GALK1: variants seen among roughly 807,000 people sequenced by gnomAD.
GALK1 encodes galactokinase 1.
Under a neutral mutation model 38.6 loss-of-function variants are expected in GALK1, and 30 were observed. That is an observed-to-expected ratio of 0.78 (90% CI 0.58 to 1.05). GALK1 has a LOEUF of 1.05. GALK1 is among the 50% of genes least tolerant of loss of function. The pLI is 0.00. For synonymous variants in GALK1, 240 were observed against 233.6 expected (o/e 1.03, Z -0.25); for missense variants, 512 against 540.5 (o/e 0.95, Z 0.52).
At chr17:75,754,576 A>G (rs1422415555), downstream of GALK1, 3 of 1,613,610 alleles carry the variant, frequency 1.9e-6, no homozygotes, top group South Asian at 3.3e-5. Flanking sequence ...CCCCCTGCAG[A>G]GCACCTGGTG....
Position 75,762,995 on chromosome 17 carries a change from C to T in GALK1, c.611+19G>A, listed in dbSNP as rs773432859. The T allele has an allele frequency of 1.4e-5, 22 of 1,612,036 alleles. No homozygotes were observed. The highest frequency in any genetic ancestry group is 2.7e-5 in the African/African-American group (2 of 74,896). On this transcript the variant is annotated intron_variant, in intron 4 of 7. Coordinates refer to ENST00000588479, the MANE Select transcript of GALK1 (RefSeq NM_000154.2). Reference sequence around the variant, plus strand: ...CTGCTGAGTGCAGGGCGGGAGGGGACGAGGGGAGCGAGCCCAACCTGCAGT... The same window carrying T: ...CTGCTGAGTGCAGGGCGGGAGGGGATGAGGGGAGCGAGCCCAACCTGCAGT...
chr17:75,760,361 G>A (rs1014337457), intron 5 of GALK1, among the ~76,000 whole-genome samples: 13 of 151,862 alleles, frequency 8.6e-5, no homozygotes, highest in African/African-American at 2.2e-4. Context: ...CTAAAGTGCT[G>A]GGATTACAGG....
At chr17:75,754,689 C>T (rs764048800), downstream of GALK1, 2 of 1,614,144 alleles carry the variant, frequency 1.2e-6, no homozygotes, top group Non-Finnish European at 1.7e-6. Flanking sequence ...CCCACACGTG[C>T]CCCACCGCGT....
At chr17:75,756,869 A>G (rs886053418), downstream of GALK1, 7 of 1,611,890 alleles carry the variant, frequency 4.3e-6, no homozygotes, top group Middle Eastern at 1.8e-4. Flanking sequence ...GGTGCTGCCC[A>G]CCCCGGGGGC....
chr17:75,765,107 C>G lies in GALK1; in HGVS notation c.30G>C (p.Ala10=), dbSNP rs1174194549. The change falls in exon 1 of 8, where the codon GCG becomes GCC. Residue 10 remains alanine (A), a synonymous_variant. Transcript: ENST00000588479. The stretch of plus-strand genomic sequence containing the variant: ...CTCGCCGGGCCTCGGCCAGCAGCTC[C>G]GCGACCTGGGGCTGTCTCAAAGCAG... MAALRQPQV[A]ELLAEARRAF... The G allele has an allele frequency of 2.5e-6, 4 of 1,585,676 alleles. No individual in the cohort carries two copies. Among genetic ancestry groups the G allele is most frequent in the Non-Finnish European group, 2.6e-6 (3 of 1,167,434 alleles).
chr17:75,764,639 G>A (rs2061602755), intron 1 of GALK1: 2 of 487,308 alleles, frequency 4.1e-6, no homozygotes, highest in Non-Finnish European at 7.7e-6. Flanking sequence ...GGTGGCCGGA[G>A]GCGCGGAGTG....
At chr17:75,752,691 G>A in intron 8 of GALK1, 1 of 1,382,012 alleles carries the variant, frequency 7.2e-7, no homozygotes, top group East Asian at 2.3e-5. Context: ...GGAGGTTAAG[G>A]CAGCCTTGGA....
intron 2 of GALK1, 54 bp from the exon 3 acceptor site, chr17:75,763,493 A>AGGAAGGGCAGGTGTCCTGGCG (rs2061597255): frequency 6.5e-7 from 1 of 1,544,400 alleles, no homozygotes; most frequent in Non-Finnish European, 8.8e-7. Flanking sequence ...AGGATGGCAC[A>AGGAAGGGCAGGTGTCCTGGCG]GGAAGGGCAG....
intron 1 of GALK1, chr17:75,764,289 G>C: frequency 1.3e-6 from 1 of 758,706 alleles, no homozygotes; most frequent in Non-Finnish European, 2.4e-6. Context: ...GGGCGGGGCG[G>C]CTGCAGCTGG....
At chr17:75,752,666 G>C in intron 8 of GALK1, 2 of 1,523,976 alleles carry the variant, frequency 1.3e-6, no homozygotes, top group South Asian at 2.3e-5. Context: ...AAAGGGGCCA[G>C]CAACTAGAGG....
chr17:75,755,883 C>T, downstream of GALK1: 8 of 1,592,558 alleles, frequency 5.0e-6, no homozygotes, highest in Non-Finnish European at 6.8e-6. Context: ...CTGCGGGGTG[C>T]AGCCCTGCAA....
chr17:75,754,958 ACACGCATGCACACATG>A, downstream of GALK1: 4 of 1,454,774 alleles, frequency 2.7e-6, no homozygotes, highest in Non-Finnish European at 3.7e-6. Flanking sequence ...ACACACGTGC[ACACGCATGCACACATG>A]TACACAGACA....
chr17:75,757,779 G>A, downstream of GALK1: 1 of 687,958 alleles, frequency 1.5e-6, no homozygotes, highest in African/African-American at 1.8e-5. Flanking sequence ...CAAGGACCCA[G>A]CCTTTGTTCT....
chr17:75,757,351 A>G (rs370070159), downstream of GALK1: 42 of 1,612,538 alleles, frequency 2.6e-5, no homozygotes, highest in Non-Finnish European at 3.5e-5. Context: ...CTCCTGGGAC[A>G]GGGAGCTAGC....
chr17:75,753,034 C>T (rs762169492), downstream of GALK1, among the ~76,000 whole-genome samples: 30 of 152,240 alleles, frequency 2.0e-4, no homozygotes, highest in Non-Finnish European at 3.8e-4. Flanking sequence ...GCTGGGCCTC[C>T]TGAGTGCTCA....
chr17:75,763,624 T>C, intron 2 of GALK1, 185 bp from the exon 3 acceptor site: 1 of 738,756 alleles, frequency 1.4e-6, no homozygotes, highest in African/African-American at 1.7e-5. Flanking sequence ...TCCCACCCTC[T>C]GAGGTTGCTG....
In GALK1 at chr17:75,757,895, T is replaced by C; in HGVS notation, c.*161A>G. The C allele has an allele frequency of 1.2e-6, 1 of 830,798 alleles. No individual in the cohort carries two copies. 51.5% of individuals were successfully genotyped at this position (830,798 alleles called of 1,614,324 possible). ...GGGGAGCGGTTCTGACATCCCCCATTCTCTGACACCCAAGCATACACCCAC... is the reference window on the plus strand; with the variant it reads ...GGGGAGCGGTTCTGACATCCCCCATCCTCTGACACCCAAGCATACACCCAC... On this transcript the variant is annotated 3_prime_UTR_variant, in exon 8 of 8. Coordinates refer to ENST00000588479, the MANE Select transcript of GALK1 (RefSeq NM_000154.2).
intron 8 of GALK1, chr17:75,752,450 C>A: frequency 6.2e-7 from 1 of 1,613,430 alleles, no homozygotes; most frequent in South Asian, 1.1e-5. Flanking sequence ...CTGCAGTCCC[C>A]ATCATCCCTG....
At chr17:75,756,897 G>A, downstream of GALK1, 5 of 1,612,354 alleles carry the variant, frequency 3.1e-6, no homozygotes, top group Non-Finnish European at 3.4e-6. Context: ...GCCAGGGGAG[G>A]GGTAAAGAGG....
Sources: gnomAD v4.1 joint callset for allele counts (sites outside exome capture counted in the v4.1 genomes callset) on GRCh38, gnomAD v4.1.1 for gene constraint, MANE v1.5 for transcripts, NCBI Gene and HGNC (gene_info 2026-07-23, HGNC 2026-07-21) for gene names.